Variants in EXPH5 observed in about 807,000 individuals in gnomAD.
The protein encoded by EXPH5 is exophilin-5.
EXPH5 carries 42 observed loss-of-function variants against 41.1 expected under a neutral mutation model. The observed-to-expected ratio is 1.02, with a 90% CI of 0.80 to 1.32. The LOEUF (loss-of-function observed/expected upper bound fraction) is 1.32, where lower values mean the gene tolerates loss of function less well. Ranked by LOEUF, EXPH5 falls within the 40% of genes most tolerant of loss-of-function variation. The probability of loss-of-function intolerance (pLI) is 0.00; values close to 1 mark genes in which losing one functional copy is unlikely to be tolerated. For missense variants in EXPH5, 2,298 were observed against 2,314.5 expected (o/e 0.99, Z 0.15); for synonymous variants, 798 against 833.5 (o/e 0.96, Z 0.73).
At chr11:108,573,178 AAG>A (rs2094067899) in intron 1 of EXPH5, among the ~76,000 whole-genome samples, 1 of 145,102 alleles carries the variant, frequency 6.9e-6, no homozygotes, top group East Asian at 2.0e-4. Context: ...GAAAGAAAGA[AAG>A]AAAGAAAGAA....
rs1565810134 is a variant in EXPH5 at position 108,541,698 on chromosome 11, T to C, written c.234A>G (p.Leu78=). ...FCNETDVSQM[L]KQPLTYRLSK... ...TTAGCCTGTATGTAAGTGGTTGTTTTAACATTTGGCTAACATCTGTTTCAT... is the reference window on the plus strand; with the variant it reads ...TTAGCCTGTATGTAAGTGGTTGTTTCAACATTTGGCTAACATCTGTTTCAT... The change falls in exon 2 of 6, where the codon TTA becomes TTG. Residue 78 remains leucine (L), a synonymous_variant. Coordinates refer to ENST00000265843, the MANE Select transcript of EXPH5 (RefSeq NM_015065.3). 1.9e-6 allele frequency: 3 copies of C among 1,612,136 alleles called. No homozygotes were observed. Among genetic ancestry groups the C allele is most frequent in the African/African-American group, 2.7e-5 (2 of 74,878 alleles).
intron 1 of EXPH5, among the ~76,000 whole-genome samples, chr11:108,560,355 T>C (rs1197270569): frequency 1.3e-5 from 2 of 152,236 alleles, no homozygotes; most frequent in Non-Finnish European, 2.9e-5. Context: ...TTCCACATGA[T>C]TGCTGCCTTT....
rs375605412 is a variant in EXPH5 at position 108,518,286 on chromosome 11, C to T, written c.580G>A (p.Gly194Ser). 58 of 1,613,368 alleles carry T rather than the reference C, an allele frequency of 3.6e-5. No individual in the cohort carries two copies. The highest frequency in any genetic ancestry group is 4.7e-5 in the Non-Finnish European group (56 of 1,179,530). Residue 194 changes from glycine to serine, a missense_variant, in exon 5 of 6, where the codon GGC becomes AGC. Gly to Ser is a moderately conservative substitution (Grantham distance 56). Transcript: ENST00000265843. Reference protein sequence around the residue: ...PKPAVMREESGMPPPWDASLL... With the variant: ...PKPAVMREESSMPPPWDASLL... The stretch of plus-strand genomic sequence containing the variant: ...GAAGCATCCCACGGTGGAGGCATGC[C>T]ACTCTCCTCCCTCATGACTGCTGGC...
upstream of EXPH5, among the ~76,000 whole-genome samples, chr11:108,597,489 A>G (rs1178687127): frequency 6.6e-6 from 1 of 152,246 alleles, no homozygotes; most frequent in African/African-American, 2.4e-5. Context: ...ATAACACATT[A>G]TTATCAAAAG....
intron 3 of EXPH5, 26 bp downstream of exon 3, chr11:108,538,998 C>T (rs748814467): frequency 1.2e-5 from 18 of 1,540,786 alleles, no homozygotes; most frequent in South Asian, 3.8e-5. Flanking sequence ...ACAAATGGGC[C>T]GTAACATGAC....
In EXPH5 at chr11:108,511,741, G is replaced by C; in HGVS notation, c.3766C>G (p.Leu1256Val). The C allele has an allele frequency of 6.2e-7, 1 of 1,611,352 alleles. No homozygotes were observed. The highest frequency in any genetic ancestry group is 8.5e-7 in the Non-Finnish European group (1 of 1,179,388). ...CLEVVSIYYT[L>V]PRKPSKKFCN... is the part of the protein sequence containing the mutation. ...AATTTTTTGCTGGGTTTCCTCGGTA[G>C]AGTGTAATATATTGAGACCACCTCC... Residue 1256 changes from leucine to valine, a missense_variant, in exon 6 of 6, where the codon CTA becomes GTA. By Grantham distance (32) the Leu-to-Val change is conservative (BLOSUM62 1). Coordinates refer to ENST00000265843, the MANE Select transcript of EXPH5 (RefSeq NM_015065.3).
intron 1 of EXPH5, among the ~76,000 whole-genome samples, chr11:108,568,904 A>T (rs560809487): frequency 1.3e-5 from 2 of 152,138 alleles, no homozygotes; most frequent in Non-Finnish European, 2.9e-5. Flanking sequence ...CTCACCACCC[A>T]TGGCCATCCA....
intron 4 of EXPH5, among the ~76,000 whole-genome samples, chr11:108,521,379 A>T (rs1315941373): frequency 6.6e-6 from 1 of 152,056 alleles, no homozygotes; most frequent in African/African-American, 2.4e-5. Context: ...TCCTACAGAA[A>T]CCTGCCCAAA....
chr11:108,540,203 A>T (rs2093905075), intron 2 of EXPH5, among the ~76,000 whole-genome samples: 1 of 152,044 alleles, frequency 6.6e-6, no homozygotes, highest in Non-Finnish European at 1.5e-5. Flanking sequence ...CACGCCTGTA[A>T]TCCCAGCTAC....
upstream of EXPH5, among the ~76,000 whole-genome samples, chr11:108,595,075 A>C (rs1296926788): frequency 6.6e-6 from 1 of 152,206 alleles, no homozygotes; most frequent in Admixed American, 6.5e-5. Context: ...TTTATTCAGC[A>C]TACACATGGG....
intron 4 of EXPH5, among the ~76,000 whole-genome samples, chr11:108,523,268 A>G (rs182149387): frequency 1.7e-3 from 260 of 152,272 alleles, no homozygotes; most frequent in Non-Finnish European, 2.4e-3. Context: ...CAAATTTGTG[A>G]ATTAAGTAGG....
rs1272118885 is a variant in EXPH5, at chr11:108,593,692, C to A, written c.-156G>T. The A allele has an allele frequency of 3.9e-6, 6 of 1,549,112 alleles. No individual in the cohort carries two copies. The East Asian group carries it at 7.2e-5, about 19-fold the overall frequency. On this transcript the variant is annotated 5_prime_UTR_variant, in exon 1 of 6. Coordinates refer to ENST00000265843, the MANE Select transcript of EXPH5 (RefSeq NM_015065.3). ...TCTAAAACCACAAACCTAGGGAACG[C>A]CCACACCTGAAGGGCTCATATTGAC...
the EXPH5 span, among the ~76,000 whole-genome samples, chr11:108,607,325 TA>T: frequency 6.6e-6 from 1 of 152,212 alleles, no homozygotes; most frequent in Non-Finnish European, 1.5e-5. Flanking sequence ...AATGTCTTAT[TA>T]TTTTTAGTGT....
Position 108,551,418 on chromosome 11 carries a change from T to G in EXPH5, c.120-9606A>C, listed in dbSNP as rs1363619672. Among the ~76,000 whole-genome samples, 3 of 152,314 alleles carry G rather than the reference T, an allele frequency of 2.0e-5. No individual in the cohort carries two copies. The East Asian group carries it at 5.8e-4, about 29-fold the overall frequency. ...CTTCCATTTTCTTGTCAGAAAAATC[T>G]CAAATGTTTCTCAGAATAGTTCCCT... On this transcript the variant is annotated intron_variant, in intron 1 of 5. Coordinates refer to ENST00000265843, the MANE Select transcript of EXPH5 (RefSeq NM_015065.3).
chr11:108,541,765 G>A lies in EXPH5; in HGVS notation c.167C>T (p.Thr56Ile). ...KRDIRWLQGVTGEWFEEIQRK... is the reference protein window; with the variant it reads ...KRDIRWLQGVIGEWFEEIQRK... The stretch of plus-strand genomic sequence containing the variant: ...TTGAATTTCTTCAAACCATTCACCA[G>A]TCACTCCCTGAAGCCATCTGATATC... Residue 56 changes from threonine (T) to isoleucine (I), a missense_variant, in exon 2 of 6, where the codon ACT (threonine) becomes ATT (isoleucine). Physicochemically the swap from Thr to Ile is moderately conservative, Grantham distance 89 (BLOSUM62 -1). Transcript: ENST00000265843. 6.2e-7 allele frequency: 1 copy of A among 1,612,364 alleles called. No individual in the cohort carries two copies. Among genetic ancestry groups the A allele is most frequent in the Non-Finnish European group, 8.5e-7 (1 of 1,179,178 alleles).
Position 108,593,666 on chromosome 11 carries a change from G to A in EXPH5, c.-130C>T. ...CAATAATAAGTCCGCCCCTTTGAAAGTCTAAAACCACAAACCTAGGGAACG... is the reference window on the plus strand; with the variant it reads ...CAATAATAAGTCCGCCCCTTTGAAAATCTAAAACCACAAACCTAGGGAACG... On this transcript the variant is annotated 5_prime_UTR_variant, in exon 1 of 6. Transcript: ENST00000265843. The A allele has an allele frequency of 6.4e-7, 1 of 1,570,008 alleles. No individual in the cohort carries two copies. The highest frequency in any genetic ancestry group is 8.6e-7 in the Non-Finnish European group (1 of 1,157,138).
chr11:108,580,670 T>C (rs532731634), intron 1 of EXPH5, among the ~76,000 whole-genome samples: 1 of 149,488 alleles, frequency 6.7e-6, no homozygotes, highest in African/African-American at 2.4e-5. Flanking sequence ...ATCCAACAGA[T>C]GAATGGATAA....
chr11:108,585,219 A>G (rs941781934), intron 1 of EXPH5, among the ~76,000 whole-genome samples: 1 of 152,210 alleles, frequency 6.6e-6, no homozygotes, highest in Non-Finnish European at 1.5e-5. Context: ...CAAACCTATT[A>G]GAATGGTTAA....
At chr11:108,592,911 C>G (rs1461684138) in intron 1 of EXPH5, among the ~76,000 whole-genome samples, 1 of 152,260 alleles carries the variant, frequency 6.6e-6, no homozygotes, top group Admixed American at 6.5e-5. Context: ...GCTTCGCTGA[C>G]TGCCCGCATT....
Sources: gnomAD v4.1 joint callset for allele counts (sites outside exome capture counted in the v4.1 genomes callset) on GRCh38, gnomAD v4.1.1 for gene constraint, MANE v1.5 for transcripts, NCBI Gene and HGNC (gene_info 2026-07-23, HGNC 2026-07-21) for gene names.